Variants in LRMDA observed in about 807,000 individuals in gnomAD.
The protein encoded by LRMDA is leucine-rich melanocyte differentiation-associated protein.
In LRMDA, 18 loss-of-function variants were observed where a neutral mutation model predicts 29.8. The ratio of observed to expected loss-of-function variants is 0.60; its 90% confidence interval spans 0.42 to 0.90. The LOEUF is 0.90. LRMDA is among the 40% of genes least tolerant of loss of function. The pLI, the probability that LRMDA is intolerant of heterozygous loss-of-function variation, is 0.00. For synonymous variants in LRMDA, 125 were observed against 109.4 expected (o/e 1.14, Z -0.89); for missense variants, 273 against 273.9 (o/e 1.00, Z 0.02).
chr10:76,103,745 A>G (rs1180981473), intron 5 of LRMDA, among the ~76,000 whole-genome samples: 1 of 152,194 alleles, frequency 6.6e-6, no homozygotes, highest in Non-Finnish European at 1.5e-5. Flanking sequence ...GCAGACTGGT[A>G]TCTGCCCTTA....
chr10:75,518,280 C>G (rs1231996778), intron 2 of LRMDA, among the ~76,000 whole-genome samples: 1 of 152,128 alleles, frequency 6.6e-6, no homozygotes, highest in Non-Finnish European at 1.5e-5. Flanking sequence ...AGGAATGGTA[C>G]CAGCTCCTCT....
At chr10:76,343,531 A>G (rs890608392) in intron 6 of LRMDA, among the ~76,000 whole-genome samples, 2 of 152,170 alleles carry the variant, frequency 1.3e-5, no homozygotes, top group African/African-American at 4.8e-5. Flanking sequence ...AATTATATGG[A>G]TGCCAAAAAG....
At chr10:76,147,584 G>C (rs772383475) in intron 5 of LRMDA, among the ~76,000 whole-genome samples, 1 of 151,946 alleles carries the variant, frequency 6.6e-6, no homozygotes, top group Non-Finnish European at 1.5e-5. Context: ...TTATCCATTC[G>C]TCTAATTTTT....
chr10:75,800,242 T>C lies in LRMDA; in HGVS notation c.132-235766T>C, dbSNP rs545330864. 5.1e-4 allele frequency among the ~76,000 whole-genome samples: 77 copies of C among 152,316 alleles called. 1 individual carries two copies. In the South Asian group the frequency reaches 0.016, roughly 31 times the overall value. ...AACACCATGTTTAAACCTCTGATCA[T>C]AGTCTCTGCCTTGAAGCTTACTTTG... On this transcript the variant is annotated intron_variant, in intron 2 of 6. Transcript: ENST00000611255.
intron 5 of LRMDA, among the ~76,000 whole-genome samples, chr10:76,105,065 C>T (rs1849458661): frequency 1.3e-5 from 2 of 152,124 alleles, no homozygotes; most frequent in Admixed American, 1.3e-4. Context: ...CTCACCCAAA[C>T]CACTGTATTT....
chr10:75,455,362 T>C (rs1844503325), intron 2 of LRMDA, among the ~76,000 whole-genome samples: 1 of 152,184 alleles, frequency 6.6e-6, no homozygotes, highest in Non-Finnish European at 1.5e-5. Flanking sequence ...GGCCCCGAGT[T>C]GGGTTCCCAG....
chr10:75,873,262 C>G (rs1241666968), intron 2 of LRMDA, among the ~76,000 whole-genome samples: 5 of 152,226 alleles, frequency 3.3e-5, no homozygotes, highest in African/African-American at 1.2e-4. Context: ...TCTATCATTT[C>G]TAACAGCTGT....
chr10:75,877,332 C>G (rs1173494118), intron 2 of LRMDA, among the ~76,000 whole-genome samples: 1 of 152,206 alleles, frequency 6.6e-6, no homozygotes, highest in Admixed American at 6.5e-5. Flanking sequence ...TGTCTGCCTT[C>G]CAGCAGTGAT....
chr10:75,851,755 G>A (rs1363526249), intron 2 of LRMDA, among the ~76,000 whole-genome samples: 1 of 152,194 alleles, frequency 6.6e-6, no homozygotes, highest in Admixed American at 6.5e-5. Flanking sequence ...GAAATTAGAA[G>A]TCCATGCTCC....
chr10:76,423,788 A>G (rs920564237), intron 6 of LRMDA, among the ~76,000 whole-genome samples: 1 of 152,148 alleles, frequency 6.6e-6, no homozygotes, highest in Non-Finnish European at 1.5e-5. Context: ...TTTTTGTTAA[A>G]CGGTGGACCC....
chr10:75,852,110 C>T (rs1844741616), intron 2 of LRMDA, among the ~76,000 whole-genome samples: 5 of 152,142 alleles, frequency 3.3e-5, no homozygotes, highest in Non-Finnish European at 7.4e-5. Context: ...GAGTGGTTTG[C>T]TATGGCAGGA....
At chr10:75,694,594 T>A (rs1276595288) in intron 2 of LRMDA, among the ~76,000 whole-genome samples, 1 of 152,194 alleles carries the variant, frequency 6.6e-6, no homozygotes, top group Non-Finnish European at 1.5e-5. Context: ...CACTTTTTAA[T>A]CTCTAATAGA....
At chr10:76,493,736 A>G (rs752152937) in intron 6 of LRMDA, among the ~76,000 whole-genome samples, 42 of 152,036 alleles carry the variant, frequency 2.8e-4, no homozygotes, top group Non-Finnish European at 5.6e-4. Flanking sequence ...TTGCATTTCT[A>G]TGGCAATTTT....
chr10:76,085,690 G>C (rs1216309775), intron 5 of LRMDA, among the ~76,000 whole-genome samples: 1 of 152,164 alleles, frequency 6.6e-6, no homozygotes, highest in Non-Finnish European at 1.5e-5. Flanking sequence ...TGGGATGTTG[G>C]TCTGCCTGGG....
intron 6 of LRMDA, among the ~76,000 whole-genome samples, chr10:76,505,061 T>C (rs1842945536): frequency 6.6e-6 from 1 of 152,082 alleles, no homozygotes; most frequent in South Asian, 2.1e-4. Context: ...CTTTTGAAGC[T>C]TAGTTTGGCA....
intron 2 of LRMDA, among the ~76,000 whole-genome samples, chr10:75,704,512 A>G (rs1047093053): frequency 6.6e-6 from 1 of 151,918 alleles, no homozygotes; most frequent in Non-Finnish European, 1.5e-5. Context: ...ACCATTATCC[A>G]CCTCCCCACT....
At chr10:75,507,888 T>G (rs1368398053) in intron 2 of LRMDA, among the ~76,000 whole-genome samples, 6 of 152,220 alleles carry the variant, frequency 3.9e-5, no homozygotes, top group Non-Finnish European at 8.8e-5. Context: ...CTTTTCTTCC[T>G]GAGGCATCTA....
chr10:76,221,301 G>C lies in LRMDA; in HGVS notation c.517-103100G>C, dbSNP rs1851830129. 2.6e-5 allele frequency among the ~76,000 whole-genome samples: 4 copies of C among 152,178 alleles called. No individual in the cohort carries two copies. In the South Asian group the frequency reaches 8.3e-4, roughly 32 times the overall value. ...ATTAGGCAGGAGAAGGAAATAAAGG[G>C]TATTCAATTAGGAAAAGAGGAAGTC... On this transcript the variant is annotated intron_variant, in intron 5 of 6. Transcript: ENST00000611255.
At chr10:76,362,908 C>T (rs1023333038) in intron 6 of LRMDA, among the ~76,000 whole-genome samples, 1 of 151,536 alleles carries the variant, frequency 6.6e-6, no homozygotes, top group Non-Finnish European at 1.5e-5. Flanking sequence ...TTTTTCCTGA[C>T]TTATCTGATT....
Sources: allele counts gnomAD v4.1 joint callset (sites outside exome capture counted in the v4.1 genomes callset), GRCh38; gene constraint gnomAD v4.1.1; transcripts MANE v1.5; gene names NCBI Gene and HGNC (gene_info 2026-07-23, HGNC 2026-07-21).